SPIDR: variants seen among roughly 807,000 people sequenced by gnomAD.
SPIDR encodes the protein scaffold protein involved in DNA repair.
In SPIDR, 93 loss-of-function variants were observed where a neutral mutation model predicts 104.6. The ratio of observed to expected loss-of-function variants is 0.89; its 90% CI spans 0.75 to 1.06. The LOEUF is 1.06. SPIDR is among the 50% of genes least tolerant of loss of function. SPIDR has a pLI of 0.00. For missense variants in SPIDR, 1,154 were observed against 1,111.2 expected, an observed-to-expected ratio of 1.04 and a Z score of -0.55; for synonymous variants, 431 against 416.9, an observed-to-expected ratio of 1.03 and a Z score of -0.41.
intron 14 of SPIDR, among the ~76,000 whole-genome samples, chr8:47,709,736 T>G (rs1280201054): frequency 1.3e-5 from 2 of 152,148 alleles, no homozygotes; most frequent in Non-Finnish European, 2.9e-5. Flanking sequence ...CAAAGGAGAT[T>G]AGAACATTTT....
rs942575544 is a variant in SPIDR, at chr8:47,396,281, T to C, written c.526-95T>C. The C allele has an allele frequency of 1.9e-5, 20 of 1,075,758 alleles. 1 individual carries two copies. In the Admixed American group the frequency reaches 4.6e-4, roughly 25 times the overall value. The allele number at this position is 1,075,758 out of a possible 1,614,324, so 66.6% of individuals were successfully genotyped here. Reference sequence around the variant, plus strand: ...AAAAAGGTCCTTCAAGAGCTGTAACTGTAAGGGAATGGAATGATAGATGTA... The same window carrying C: ...AAAAAGGTCCTTCAAGAGCTGTAACCGTAAGGGAATGGAATGATAGATGTA... On this transcript the variant is annotated intron_variant, in intron 5 of 19. Transcript: ENST00000297423.
At chr8:47,501,855 G>C (rs1486809318) in intron 8 of SPIDR, among the ~76,000 whole-genome samples, 9 of 152,182 alleles carry the variant, frequency 5.9e-5, no homozygotes, top group East Asian at 1.9e-4. Flanking sequence ...TAGCATGAAG[G>C]GTTGTTGAAT....
chr8:47,631,953 A>G lies in SPIDR; in HGVS notation c.1544+32757A>G, dbSNP rs537773166. 5.9e-5 allele frequency among the ~76,000 whole-genome samples: 9 copies of G among 152,298 alleles called. No homozygotes were observed. The East Asian group carries it at 1.5e-3, about 26-fold the overall frequency. On this transcript the variant is annotated intron_variant, in intron 10 of 19. Transcript: ENST00000297423. Reference sequence around the variant, plus strand: ...AATTGGCCCTGAGAGGCTTGAAGACATAGAACTGAATGTACTGCCAGATAT... The same window carrying G: ...AATTGGCCCTGAGAGGCTTGAAGACGTAGAACTGAATGTACTGCCAGATAT...
chr8:47,505,763 A>G lies in SPIDR; in HGVS notation c.1097+65221A>G, dbSNP rs376296025. On this transcript the variant is annotated intron_variant, in intron 8 of 19. Coordinates refer to ENST00000297423, the MANE Select transcript of SPIDR (RefSeq NM_001080394.4). ...TTCGGTACAGCAGCATTTCAACTGCACTGATCTGTGGTCATCTAGTGACAA... is the reference window on the plus strand; with the variant it reads ...TTCGGTACAGCAGCATTTCAACTGCGCTGATCTGTGGTCATCTAGTGACAA... Among the ~76,000 whole-genome samples, 31 of 152,262 alleles carry G rather than the reference A, an allele frequency of 2.0e-4. 1 individual carries two copies. The highest frequency in any genetic ancestry group is 7.2e-4 in the African/African-American group (30 of 41,552).
chr8:47,623,794 T>C (rs1338785129), intron 10 of SPIDR, among the ~76,000 whole-genome samples: 4 of 152,146 alleles, frequency 2.6e-5, no homozygotes, highest in Non-Finnish European at 5.9e-5. Flanking sequence ...ATGGGAGACT[T>C]TAACACCCCA....
intron 8 of SPIDR, among the ~76,000 whole-genome samples, chr8:47,535,704 A>G (rs1261980825): frequency 6.6e-6 from 1 of 151,994 alleles, no homozygotes; most frequent in African/African-American, 2.4e-5. Flanking sequence ...AAAAATAGTC[A>G]GCAAACTAGC....
chr8:47,307,936 T>G (rs587647266), intron 5 of SPIDR, among the ~76,000 whole-genome samples: 59 of 152,334 alleles, frequency 3.9e-4, no homozygotes, highest in Admixed American at 1.1e-3. Context: ...GTTTTATTTT[T>G]TTTTCTTTTG....
intron 5 of SPIDR, among the ~76,000 whole-genome samples, chr8:47,358,529 A>G (rs959379129): frequency 6.6e-5 from 10 of 152,174 alleles, no homozygotes; most frequent in Non-Finnish European, 1.3e-4. Context: ...GTCAGAAGAC[A>G]GGATCTAACA....
chr8:47,342,468 C>G (rs977508111), intron 5 of SPIDR, among the ~76,000 whole-genome samples: 20 of 150,816 alleles, frequency 1.3e-4, no homozygotes, highest in East Asian at 2.0e-4. Flanking sequence ...TCCCGAGTAG[C>G]TAGGATTAGA....
chr8:47,443,571 CAAAAA>C (rs782463880), intron 8 of SPIDR, among the ~76,000 whole-genome samples: 1 of 30,134 alleles, frequency 3.3e-5, no homozygotes, highest in Non-Finnish European at 7.0e-5. Flanking sequence ...ACCCTGTCGC[CAAAAA>C]AAAAAAAAAA....
chr8:47,624,771 G>A (rs1050097494), intron 10 of SPIDR, among the ~76,000 whole-genome samples: 3 of 152,126 alleles, frequency 2.0e-5, no homozygotes, highest in African/African-American at 7.2e-5. Flanking sequence ...AAAAAGTCCA[G>A]GACCATATGG....
intron 8 of SPIDR, among the ~76,000 whole-genome samples, chr8:47,494,677 A>G (rs183000620): frequency 6.6e-6 from 1 of 151,980 alleles, no homozygotes; most frequent in East Asian, 1.9e-4. Context: ...TGTGAAGTAC[A>G]AGTGTTTCTA....
intron 5 of SPIDR, among the ~76,000 whole-genome samples, chr8:47,318,979 A>G (rs1343552625): frequency 1.3e-5 from 2 of 150,494 alleles, no homozygotes; most frequent in African/African-American, 2.4e-5. Flanking sequence ...AGTACCAGCC[A>G]CTGCAAAAAC....
intron 6 of SPIDR, 24 bp downstream of exon 6, chr8:47,396,650 C>T: frequency 6.4e-7 from 1 of 1,557,790 alleles, no homozygotes; most frequent in South Asian, 1.2e-5. Context: ...CTTTTAAATA[C>T]TCTTTTTAAA....
At chr8:47,435,949 A>G (rs931789436) in intron 7 of SPIDR, among the ~76,000 whole-genome samples, 2 of 152,228 alleles carry the variant, frequency 1.3e-5, no homozygotes, top group Non-Finnish European at 2.9e-5. Flanking sequence ...AGAAAGTCAC[A>G]TGAGCAGCTA....
chr8:47,570,587 C>T (rs531283108), intron 8 of SPIDR, among the ~76,000 whole-genome samples: 2 of 152,166 alleles, frequency 1.3e-5, no homozygotes, highest in Non-Finnish European at 2.9e-5. Flanking sequence ...AACTTTTGTG[C>T]TTCAAAAGAC....
intron 8 of SPIDR, among the ~76,000 whole-genome samples, chr8:47,533,864 C>T (rs1036000850): frequency 6.6e-6 from 1 of 152,168 alleles, no homozygotes; most frequent in Non-Finnish European, 1.5e-5. Flanking sequence ...TATGGTGATT[C>T]CTCAAGGGGC....
chr8:47,534,918 G>T (rs1451801370), intron 8 of SPIDR, among the ~76,000 whole-genome samples: 2 of 151,958 alleles, frequency 1.3e-5, no homozygotes, highest in Non-Finnish European at 2.9e-5. Context: ...AAGAAAAAAG[G>T]AAAAAAGACA....
chr8:47,470,753 G>A (rs1480693585), intron 8 of SPIDR, among the ~76,000 whole-genome samples: 2 of 147,968 alleles, frequency 1.4e-5, no homozygotes, highest in African/African-American at 5.0e-5. Flanking sequence ...TTTTTTTTTT[G>A]AGACGGAGTC....
Sources: allele counts gnomAD v4.1 joint callset (sites outside exome capture counted in the v4.1 genomes callset), GRCh38; gene constraint gnomAD v4.1.1; transcripts MANE v1.5; gene names NCBI Gene and HGNC (gene_info 2026-07-23, HGNC 2026-07-21).